Variants in TGFBR2 observed in about 807,000 individuals in gnomAD.
TGFBR2 encodes transforming growth factor beta receptor 2.
A neutral mutation model predicts 49.0 loss-of-function variants in TGFBR2; 18 were observed. The observed-to-expected ratio is 0.37, with a 90% CI of 0.25 to 0.54. The LOEUF is 0.54. TGFBR2 is among the 20% of genes least tolerant of loss of function. The pLI, the probability that TGFBR2 is intolerant of heterozygous loss-of-function variation, is 0.85. For synonymous variants in TGFBR2, 282 were observed against 275.9 expected, an observed-to-expected ratio of 1.02 and a Z score of -0.22; for missense variants, 525 against 722.6, an observed-to-expected ratio of 0.73 and a Z score of 3.13.
chr3:30,678,546 T>TCAAAAAAAAAA (rs370795703), intron 5 of TGFBR2, among the ~76,000 whole-genome samples: 1 of 100,870 alleles, frequency 9.9e-6, no homozygotes, highest in African/African-American at 4.4e-5. Flanking sequence ...AGACTGCGTC[T>TCAAAAAAAAAA]AAAAAAAAAA....
chr3:30,636,839 C>T (rs1009259397), intron 1 of TGFBR2, among the ~76,000 whole-genome samples: 1 of 151,710 alleles, frequency 6.6e-6, no homozygotes, highest in South Asian at 2.1e-4. Context: ...CCAAGGTGGG[C>T]AGATCACGAG....
At chr3:30,640,373 A>G (rs1452618657) in intron 1 of TGFBR2, among the ~76,000 whole-genome samples, 3 of 152,186 alleles carry the variant, frequency 2.0e-5, no homozygotes, top group Non-Finnish European at 2.9e-5. Flanking sequence ...CAGAGAGTCT[A>G]TAGGAATCGA....
chr3:30,622,392 G>A (rs957883302), intron 1 of TGFBR2, among the ~76,000 whole-genome samples: 1 of 152,160 alleles, frequency 6.6e-6, no homozygotes, highest in African/African-American at 2.4e-5. Context: ...ATGGGTTTCT[G>A]TGTACTTTAT....
intron 5 of TGFBR2, among the ~76,000 whole-genome samples, chr3:30,682,870 G>A (rs1262099431): frequency 6.6e-6 from 1 of 152,180 alleles, no homozygotes; most frequent in African/African-American, 2.4e-5. Context: ...ATCAAGGCAG[G>A]GAGGGACACA....
chr3:30,670,106 G>T (rs1699313192), intron 3 of TGFBR2, among the ~76,000 whole-genome samples: 1 of 152,014 alleles, frequency 6.6e-6, no homozygotes, highest in African/African-American at 2.4e-5. Context: ...TTCCGCAGGT[G>T]CAGAGTGGTC....
chr3:30,643,453 A>G (rs1244699082), intron 1 of TGFBR2, among the ~76,000 whole-genome samples: 2 of 152,154 alleles, frequency 1.3e-5, no homozygotes, highest in Non-Finnish European at 2.9e-5. Flanking sequence ...GGGGTGTTAC[A>G]CCTTTATTTG....
chr3:30,662,009 C>T (rs1699141945), intron 3 of TGFBR2, among the ~76,000 whole-genome samples: 1 of 152,018 alleles, frequency 6.6e-6, no homozygotes, highest in Non-Finnish European at 1.5e-5. Flanking sequence ...GGCTGTTCAA[C>T]CTGAAAATGA....
In TGFBR2 at chr3:30,608,127, C is replaced by T. The variant is rs932854815; in HGVS notation, c.94+1150C>T. Among the ~76,000 whole-genome samples, 4 of 151,640 alleles carry T rather than the reference C, an allele frequency of 2.6e-5. No individual in the cohort carries two copies. In the East Asian group the frequency reaches 7.8e-4, roughly 29 times the overall value. The stretch of plus-strand genomic sequence containing the variant: ...CTAATTTTTGTATTTTTAGTAGAGA[C>T]GGGGTTTCACCATATTGGCCAGGGT... On this transcript the variant is annotated intron_variant, in intron 1 of 6. Transcript: ENST00000295754.
At chr3:30,642,099 A>G (rs935723823) in intron 1 of TGFBR2, among the ~76,000 whole-genome samples, 4 of 152,106 alleles carry the variant, frequency 2.6e-5, no homozygotes, top group African/African-American at 4.8e-5. Context: ...TGTCTTATCT[A>G]TCGCTGCTCA....
chr3:30,683,664 T>G (rs1699574027), intron 5 of TGFBR2, among the ~76,000 whole-genome samples: 1 of 152,222 alleles, frequency 6.6e-6, no homozygotes. Context: ...TTTTCCAAAA[T>G]AAAAATATTT....
intron 1 of TGFBR2, among the ~76,000 whole-genome samples, chr3:30,616,353 A>T (rs1387874865): frequency 1.3e-5 from 2 of 152,204 alleles, no homozygotes; most frequent in Non-Finnish European, 2.9e-5. Context: ...TTAGAGCCCC[A>T]TGCCAAGTAG....
chr3:30,686,560 A>G (rs1699627205), intron 5 of TGFBR2, among the ~76,000 whole-genome samples: 1 of 152,252 alleles, frequency 6.6e-6, no homozygotes, highest in Non-Finnish European at 1.5e-5. Context: ...GGAAAAAAGC[A>G]AATGAACAAA....
intron 1 of TGFBR2, among the ~76,000 whole-genome samples, chr3:30,620,840 A>T (rs1559448441): frequency 6.6e-6 from 1 of 152,152 alleles, no homozygotes; most frequent in Non-Finnish European, 1.5e-5. Context: ...AGAGTGCCTG[A>T]AGATACTCTT....
In TGFBR2 at chr3:30,666,110, A is replaced by G. The variant is rs112123857; in HGVS notation, c.455-5528A>G. ...GTTAGAGAAAATAAAAAAAGATGCA[A>G]TTTTTGCCCATTCAAATTCACAGAC... is the stretch of plus-strand genomic sequence containing the variant. On this transcript the variant is annotated intron_variant, in intron 3 of 6. Coordinates refer to ENST00000295754, the MANE Select transcript of TGFBR2 (RefSeq NM_003242.6). 3.0e-3 allele frequency among the ~76,000 whole-genome samples: 463 copies of G among 152,252 alleles called. 2 individuals carry two copies. The highest frequency in any genetic ancestry group is 5.8e-3 in the Non-Finnish European group (396 of 68,002).
Position 30,692,911 on chromosome 3 carries a change from A to G in TGFBR2, c.*1312A>G, listed in dbSNP as rs1440612851. On this transcript the variant is annotated 3_prime_UTR_variant, in exon 7 of 7. Transcript: ENST00000295754. ...GTTCACAAAATGTGAAGGTGTGGAG[A>G]CACTTACAAAGCTGCCTCACTTCTC... 2 of 233,156 alleles carry G rather than the reference A, an allele frequency of 8.6e-6. No homozygotes were observed. Among genetic ancestry groups the G allele is most frequent in the African/African-American group, 4.4e-5 (2 of 45,326 alleles). 14.4% of individuals were successfully genotyped at this position (233,156 alleles called of 1,614,324 possible).
intron 1 of TGFBR2, among the ~76,000 whole-genome samples, chr3:30,617,287 G>C (rs573515894): frequency 2.6e-5 from 4 of 152,264 alleles, no homozygotes; most frequent in Admixed American, 2.6e-4. Context: ...TGTTAGCGTA[G>C]ACTAGGAATC....
chr3:30,672,464 C>A lies in TGFBR2; in HGVS notation c.1254+27C>A. ...TAAGTTAGAGCTAGTGCTAGATCCCCTTTACCTTGAGCCTGGCCTCACCCT... is the reference window on the plus strand; with the variant it reads ...TAAGTTAGAGCTAGTGCTAGATCCCATTTACCTTGAGCCTGGCCTCACCCT... On this transcript the variant is annotated intron_variant, in intron 4 of 6. Transcript: ENST00000295754. This position sits in a 1 kb window ranked among gnomAD's most constrained non-coding sequence, Gnocchi z 4.5. 1 of 1,612,162 alleles carries A rather than the reference C, an allele frequency of 6.2e-7. No individual in the cohort carries two copies. Among genetic ancestry groups the A allele is most frequent in the Non-Finnish European group, 8.5e-7 (1 of 1,178,212 alleles).
At chr3:30,623,873 G>C (rs891119543) in intron 1 of TGFBR2, among the ~76,000 whole-genome samples, 5 of 152,230 alleles carry the variant, frequency 3.3e-5, no homozygotes, top group Non-Finnish European at 5.9e-5. Flanking sequence ...TGGGCGCTGT[G>C]GCTCATGCCT....
chr3:30,672,448 G>A lies in TGFBR2; in HGVS notation c.1254+11G>A. 1.2e-6 allele frequency: 2 copies of A among 1,614,042 alleles called. No individual in the cohort carries two copies. The highest frequency in any genetic ancestry group is 3.3e-5 in the Admixed American group (2 of 60,020). ...GCTAACAGTGGGCAGGTAAGTTAGA[G>A]CTAGTGCTAGATCCCCTTTACCTTG... On this transcript the variant is annotated intron_variant, in intron 4 of 6. Transcript: ENST00000295754. The surrounding 1 kb of genome is among the most constrained non-coding windows in gnomAD (Gnocchi z 4.5).
Sources: gnomAD v4.1 joint callset for allele counts (sites outside exome capture counted in the v4.1 genomes callset) on GRCh38, gnomAD v4.1.1 for gene constraint, Gnocchi (gnomAD v3.1) non-coding constraint, MANE v1.5 for transcripts, NCBI Gene and HGNC (gene_info 2026-07-23, HGNC 2026-07-21) for gene names.